Variants in SPTLC3 observed in about 807,000 individuals in gnomAD.
SPTLC3 encodes the protein serine palmitoyltransferase long chain base subunit 3.
A neutral mutation model predicts 59.3 loss-of-function variants in SPTLC3; 36 were observed. That is an observed-to-expected ratio of 0.61 (90% confidence interval 0.47 to 0.80). SPTLC3 has a LOEUF of 0.80. SPTLC3 is among the 30% of genes least tolerant of loss of function. The pLI, the probability that SPTLC3 is intolerant of heterozygous loss-of-function variation, is 0.00. For missense variants in SPTLC3, 625 were observed against 685.1 expected, an observed-to-expected ratio of 0.91 and a Z score of 0.98; for synonymous variants, 257 against 240.8, an observed-to-expected ratio of 1.07 and a Z score of -0.62.
intron 1 of SPTLC3, among the ~76,000 whole-genome samples, chr20:13,020,283 A>G (rs1030462252): frequency 1.3e-5 from 2 of 152,000 alleles, no homozygotes; most frequent in South Asian, 2.1e-4. Flanking sequence ...AGGACAAGGA[A>G]GGAGGGTCAG....
At chr20:13,149,186 A>G (rs1464437336) in intron 9 of SPTLC3, among the ~76,000 whole-genome samples, 2 of 152,152 alleles carry the variant, frequency 1.3e-5, no homozygotes, top group Non-Finnish European at 2.9e-5. Flanking sequence ...GTGAGTAGGG[A>G]CTTTCCCTGA....
intron 9 of SPTLC3, among the ~76,000 whole-genome samples, chr20:13,144,765 GTGTA>G (rs2038468271): frequency 6.6e-6 from 1 of 151,988 alleles, no homozygotes; most frequent in Admixed American, 6.6e-5. Context: ...GTGTGTGTGT[GTGTA>G]TATATATATA....
intron 9 of SPTLC3, among the ~76,000 whole-genome samples, chr20:13,133,694 T>C (rs1428610399): frequency 6.6e-6 from 1 of 151,928 alleles, no homozygotes; most frequent in African/African-American, 2.4e-5. Context: ...AGTTAAGGGG[T>C]AGCACCAGAG....
rs1004697002 is a variant in SPTLC3, at chr20:13,075,821, C to T, written c.607+1324C>T. 3.9e-5 allele frequency among the ~76,000 whole-genome samples: 6 copies of T among 152,302 alleles called. No homozygotes were observed. The East Asian group carries it at 9.7e-4, about 25-fold the overall frequency. On this transcript the variant is annotated intron_variant, in intron 4 of 11. Transcript: ENST00000399002. ...TAATGACCAGCCAGAAGACACATTC[C>T]TGATAACAACCCCCCAACTCAGTGA...
At chr20:13,060,590 C>T (rs1349026019) in intron 2 of SPTLC3, among the ~76,000 whole-genome samples, 1 of 151,600 alleles carries the variant, frequency 6.6e-6, no homozygotes, top group African/African-American at 2.4e-5. Context: ...TTTCTCATTC[C>T]CCTACCTCCT....
Position 13,072,371 on chromosome 20 carries a change from T to A in SPTLC3, c.419T>A (p.Leu140Ter). The change falls in exon 3 of 12, where the codon TTG becomes TAG. Residue 140 changes from leucine to a stop codon, truncating the protein, a stop_gained. Transcript: ENST00000399002. LOFTEE classifies it high-confidence loss of function. ...ICSAPGPLFD[L>*]MERVSDDYNW... The stretch of plus-strand genomic sequence containing the variant: ...AGTGCCCCAGGGCCTCTGTTTGATT[T>A]GATGGAGAGGGTATCAGACGACTAT... 1 of 1,611,986 alleles carries A rather than the reference T, an allele frequency of 6.2e-7. No homozygotes were observed. The highest frequency in any genetic ancestry group is 8.5e-7 in the Non-Finnish European group (1 of 1,179,146).
At chr20:13,156,094 T>C (rs2038762574) in intron 10 of SPTLC3, among the ~76,000 whole-genome samples, 2 of 152,104 alleles carry the variant, frequency 1.3e-5, no homozygotes, top group African/African-American at 4.8e-5. Flanking sequence ...ACACATACAT[T>C]TATTCAAAAT....
intron 4 of SPTLC3, among the ~76,000 whole-genome samples, chr20:13,076,295 G>A (rs565144632): frequency 2.6e-5 from 4 of 152,296 alleles, no homozygotes; most frequent in South Asian, 2.1e-4. Context: ...TAGGAGTAGC[G>A]TGATTCTGAA....
intron 9 of SPTLC3, among the ~76,000 whole-genome samples, chr20:13,147,548 G>A (rs556397274): frequency 3.3e-5 from 5 of 152,134 alleles, no homozygotes; most frequent in Non-Finnish European, 7.4e-5. Flanking sequence ...AAAAGTCCAG[G>A]GTAAACTGGC....
intron 1 of SPTLC3, among the ~76,000 whole-genome samples, chr20:13,009,876 T>C (rs1985143349): frequency 6.6e-6 from 1 of 152,168 alleles, no homozygotes; most frequent in Non-Finnish European, 1.5e-5. Flanking sequence ...AGTGGAGCAT[T>C]GTTTTAGCTC....
chr20:13,107,785 T>C (rs1290988295), intron 6 of SPTLC3, among the ~76,000 whole-genome samples: 3 of 151,984 alleles, frequency 2.0e-5, no homozygotes, highest in Admixed American at 6.6e-5. Flanking sequence ...CTTTTTTTTT[T>C]TTTTGTATCT....
At chr20:13,010,357 G>A (rs1381962217) in intron 1 of SPTLC3, among the ~76,000 whole-genome samples, 4 of 152,192 alleles carry the variant, frequency 2.6e-5, no homozygotes, top group Non-Finnish European at 5.9e-5. Context: ...CCACAGGAAA[G>A]GCAGATTGTT....
At chr20:13,124,226 T>C (rs1600327240) in intron 8 of SPTLC3, among the ~76,000 whole-genome samples, 1 of 152,182 alleles carries the variant, frequency 6.6e-6, no homozygotes, top group East Asian at 1.9e-4. Flanking sequence ...GGTCCCTTTC[T>C]ATCCTCCCTC....
At chr20:13,097,862 C>T (rs974605816) in intron 6 of SPTLC3, among the ~76,000 whole-genome samples, 1 of 152,018 alleles carries the variant, frequency 6.6e-6, no homozygotes, top group East Asian at 1.9e-4. Context: ...AGTGCAATGG[C>T]GGGTCCTAGA....
intron 3 of SPTLC3, among the ~76,000 whole-genome samples, chr20:13,072,988 A>G (rs1988502088): frequency 6.6e-6 from 1 of 152,252 alleles, no homozygotes; most frequent in Non-Finnish European, 1.5e-5. Flanking sequence ...ATACATTCAT[A>G]TAAATTGTAA....
chr20:13,052,805 G>A (rs1312810874), intron 2 of SPTLC3, among the ~76,000 whole-genome samples: 1 of 152,152 alleles, frequency 6.6e-6, no homozygotes, highest in African/African-American at 2.4e-5. Context: ...GTACACCACA[G>A]CTCCTCAAAG....
chr20:13,021,103 G>C (rs1207748427), intron 1 of SPTLC3, among the ~76,000 whole-genome samples: 1 of 152,100 alleles, frequency 6.6e-6, no homozygotes, highest in Admixed American at 6.6e-5. Context: ...TGACCTGTCT[G>C]CAGCATTAGT....
At chr20:13,085,843 C>A (rs181113291) in intron 4 of SPTLC3, among the ~76,000 whole-genome samples, 3 of 152,190 alleles carry the variant, frequency 2.0e-5, no homozygotes, top group Admixed American at 6.5e-5. Context: ...CATGAAAATA[C>A]CACTTAGAGA....
intron 7 of SPTLC3, among the ~76,000 whole-genome samples, chr20:13,111,509 T>C (rs1990232700): frequency 1.3e-5 from 2 of 152,340 alleles, no homozygotes; most frequent in African/African-American, 4.8e-5. Flanking sequence ...AAAATGTCGA[T>C]AGTGCTAAGG....
Sources: gnomAD v4.1 joint callset for allele counts (sites outside exome capture counted in the v4.1 genomes callset) on GRCh38, gnomAD v4.1.1 for gene constraint, MANE v1.5 for transcripts, NCBI Gene and HGNC (gene_info 2026-07-23, HGNC 2026-07-21) for gene names.